The following MARCHF1 variants were observed in gnomAD, a reference collection of about 807,000 sequenced individuals.
MARCHF1 encodes the protein E3 ubiquitin-protein ligase MARCHF1.
A neutral mutation model predicts 54.2 loss-of-function variants in MARCHF1; 40 were observed. The observed-to-expected ratio is 0.74, with a 90% CI of 0.57 to 0.96. The LOEUF is 0.96. MARCHF1 is among the 40% of genes least tolerant of loss of function. The pLI, the probability that MARCHF1 is intolerant of heterozygous loss-of-function variation, is 0.00. For synonymous variants in MARCHF1, 236 were observed against 236.3 expected (o/e 1.00, Z 0.01); for missense variants, 586 against 656.5 (o/e 0.89, Z 1.17).
At chr4:164,140,848 TAC>T (rs1756515220) in intron 1 of MARCHF1, among the ~76,000 whole-genome samples, 1 of 152,104 alleles carries the variant, frequency 6.6e-6, no homozygotes, top group Admixed American at 6.6e-5. Context: ...ATCCACAAAG[TAC>T]ATCTCTAACT....
At chr4:164,311,387 C>T (rs952937175) in intron 1 of MARCHF1, among the ~76,000 whole-genome samples, 1 of 151,928 alleles carries the variant, frequency 6.6e-6, no homozygotes, top group Non-Finnish European at 1.5e-5. Context: ...GGGTTTAGTT[C>T]CAAAATGAGA....
chr4:163,700,836 T>C lies in MARCHF1; in HGVS notation c.139A>G (p.Ser47Gly). ...ACTTTTGAAATGTTACTTGATCGAC[T>C]TGCAGATCGCCCTGGGGATTTTTCA... The part of the protein sequence containing the change: ...LNEKSPGRSA[S>G]RSSNISKASS... The change falls in exon 5 of 10, where the codon AGT becomes GGT. Residue 47 changes from serine to glycine, a missense_variant. Around this residue, in one of 3 missense-constraint regions of MARCHF1, gnomAD observed 387 missense variants for 394.6 expected, o/e 0.98. Coordinates refer to ENST00000514618, the MANE Select transcript of MARCHF1 (RefSeq NM_001394959.1). 6.5e-7 allele frequency: 1 copy of C among 1,536,394 alleles called. No individual in the cohort carries two copies. The highest frequency in any genetic ancestry group is 8.7e-7 in the Non-Finnish European group (1 of 1,146,392).
At chr4:164,072,068 T>C (rs1754878831) in intron 2 of MARCHF1, among the ~76,000 whole-genome samples, 1 of 151,974 alleles carries the variant, frequency 6.6e-6, no homozygotes, top group South Asian at 2.1e-4. Flanking sequence ...GCACTTGTGC[T>C]CAGCACTTTT....
intron 5 of MARCHF1, among the ~76,000 whole-genome samples, chr4:163,685,022 T>C (rs1579193710): frequency 6.9e-6 from 1 of 144,360 alleles, no homozygotes; most frequent in African/African-American, 2.4e-5. Flanking sequence ...TAAACAGCAT[T>C]GAATATTTGT....
chr4:163,720,233 G>T (rs1418920097), intron 4 of MARCHF1, among the ~76,000 whole-genome samples: 5 of 152,190 alleles, frequency 3.3e-5, no homozygotes, highest in African/African-American at 1.2e-4. Context: ...TCCAGTTTCA[G>T]CTTTCTACAT....
At chr4:164,287,510 C>G (rs1734180233) in intron 1 of MARCHF1, among the ~76,000 whole-genome samples, 1 of 152,106 alleles carries the variant, frequency 6.6e-6, no homozygotes, top group African/African-American at 2.4e-5. Context: ...AATCACTAAG[C>G]TGAATTTTTT....
In MARCHF1 at chr4:164,377,010, C is replaced by T. The variant is rs892864848; in HGVS notation, c.-323+6860G>A. Among the ~76,000 whole-genome samples the T allele has an allele frequency of 8.5e-5, 13 of 152,288 alleles. No homozygotes were observed. In the South Asian group the frequency reaches 2.5e-3, roughly 29 times the overall value. On this transcript the variant is annotated intron_variant, in intron 1 of 9. Coordinates refer to ENST00000514618, the MANE Select transcript of MARCHF1 (RefSeq NM_001394959.1). ...CTCTCACCAAGCTTCCATTTATCTC[C>T]TGATGTGCCTCAGGACACTGAATTG...
intron 9 of MARCHF1, among the ~76,000 whole-genome samples, chr4:163,534,694 A>T (rs911843707): frequency 2.6e-5 from 4 of 152,076 alleles, no homozygotes; most frequent in African/African-American, 9.7e-5. Flanking sequence ...ATTTATCATT[A>T]ATCAGTGTCT....
At chr4:164,018,354 T>C (rs79102576) in intron 2 of MARCHF1, among the ~76,000 whole-genome samples, 5,389 of 152,016 alleles carry the variant, frequency 0.035, 300 homozygotes, top group African/African-American at 0.12. Context: ...AGGCAAGTTA[T>C]GACATGGAAA....
chr4:164,026,169 G>C (rs944517423), intron 2 of MARCHF1, among the ~76,000 whole-genome samples: 1 of 152,044 alleles, frequency 6.6e-6, no homozygotes, highest in African/African-American at 2.4e-5. Flanking sequence ...AAGAAGACCT[G>C]GTACCAATTC....
chr4:163,544,404 T>G (rs1435028235), intron 9 of MARCHF1, among the ~76,000 whole-genome samples: 1 of 152,182 alleles, frequency 6.6e-6, no homozygotes, highest in African/African-American at 2.4e-5. Context: ...ACGGTAGTGC[T>G]TTCATTTTCT....
At chr4:163,724,507 G>T (rs1330667777) in intron 4 of MARCHF1, among the ~76,000 whole-genome samples, 1 of 152,210 alleles carries the variant, frequency 6.6e-6, no homozygotes, top group Non-Finnish European at 1.5e-5. Flanking sequence ...CAAACTCCAT[G>T]CTGGGAGAAC....
At chr4:163,711,248 T>C (rs181665832) in intron 4 of MARCHF1, among the ~76,000 whole-genome samples, 4 of 152,346 alleles carry the variant, frequency 2.6e-5, no homozygotes, top group African/African-American at 9.6e-5. Context: ...CCATTGCTTA[T>C]TAATTAATTG....
chr4:163,641,077 A>G (rs1320627198), intron 5 of MARCHF1, among the ~76,000 whole-genome samples: 1 of 152,072 alleles, frequency 6.6e-6, no homozygotes, highest in South Asian at 2.1e-4. Flanking sequence ...TGCAGTCTCT[A>G]TTGTCTCTAA....
chr4:163,780,132 T>A (rs1747422384), intron 4 of MARCHF1, among the ~76,000 whole-genome samples: 1 of 152,068 alleles, frequency 6.6e-6, no homozygotes, highest in South Asian at 2.1e-4. Context: ...TAAAGACAGG[T>A]GAAAAAGGGC....
At chr4:164,073,288 C>A (rs146153713) in intron 2 of MARCHF1, among the ~76,000 whole-genome samples, 1,734 of 152,234 alleles carry the variant, frequency 0.011, 19 homozygotes, top group Non-Finnish European at 0.018. Flanking sequence ...AAATGTGGCA[C>A]ATATACACCA....
intron 2 of MARCHF1, among the ~76,000 whole-genome samples, chr4:164,044,451 C>T (rs4056325): frequency 0.46 from 70,372 of 151,998 alleles, 17,921 homozygotes; most frequent in Non-Finnish European, 0.57. Flanking sequence ...TGAGAACTCA[C>T]CCACTATCAT....
chr4:163,922,328 C>T (rs879714661), intron 3 of MARCHF1, among the ~76,000 whole-genome samples: 6 of 151,934 alleles, frequency 3.9e-5, no homozygotes, highest in Non-Finnish European at 5.9e-5. Context: ...CTAACCTGCA[C>T]GTTGTGCACA....
intron 3 of MARCHF1, among the ~76,000 whole-genome samples, chr4:163,937,386 A>G (rs1751821037): frequency 6.6e-6 from 1 of 152,052 alleles, no homozygotes; most frequent in African/African-American, 2.4e-5. Context: ...TTATTTTATT[A>G]TCAATGTCAT....
Sources: gnomAD v4.1 joint callset for allele counts (sites outside exome capture counted in the v4.1 genomes callset) on GRCh38, gnomAD v4.1.1 for gene constraint, gnomAD v4.1.1 regional missense constraint, MANE v1.5 for transcripts, NCBI Gene and HGNC (gene_info 2026-07-23, HGNC 2026-07-21) for gene names.